The following TEX9 variants were observed in gnomAD, a reference collection of about 807,000 sequenced individuals.
TEX9 encodes the protein testis expressed 9.
TEX9 carries 74 observed loss-of-function variants against 59.6 expected under a neutral mutation model. That is an observed-to-expected ratio of 1.24 (90% CI 1.03 to 1.51). The LOEUF (loss-of-function observed/expected upper bound fraction) is 1.51, where lower values mean the gene tolerates loss of function less well. Among genes scored for constraint, TEX9 ranks in the 40% most tolerant of loss-of-function variants. The probability of loss-of-function intolerance (pLI) is 0.00; values close to 1 mark genes in which losing one functional copy is unlikely to be tolerated. For synonymous variants in TEX9, 186 were observed against 152.2 expected (o/e 1.22, Z -1.64); for missense variants, 522 against 447.8 (o/e 1.17, Z -1.49).
intron 1 of TEX9, among the ~76,000 whole-genome samples, chr15:56,353,235 GT>G (rs530856954): frequency 1.2e-3 from 188 of 152,262 alleles, no homozygotes; most frequent in Non-Finnish European, 2.1e-3. Flanking sequence ...ACATGCTATA[GT>G]TTTGATTTTG....
At chr15:56,292,758 A>T (rs983720169) in intron 1 of TEX9, among the ~76,000 whole-genome samples, 30 of 152,178 alleles carry the variant, frequency 2.0e-4, no homozygotes, top group Non-Finnish European at 4.3e-4. Flanking sequence ...CCTGACATAC[A>T]TGCAGTGGTG....
At chr15:56,402,920 G>C (rs1462333293) in intron 9 of TEX9, among the ~76,000 whole-genome samples, 2 of 152,158 alleles carry the variant, frequency 1.3e-5, no homozygotes, top group African/African-American at 4.8e-5. Flanking sequence ...AAAGGCCTTT[G>C]ACAAAATTCA....
At chr15:56,403,350 C>T (rs990138227) in intron 9 of TEX9, among the ~76,000 whole-genome samples, 2 of 151,348 alleles carry the variant, frequency 1.3e-5, no homozygotes, top group Non-Finnish European at 3.0e-5. Context: ...AACAGACACA[C>T]AGCCAAATCA....
intron 1 of TEX9, among the ~76,000 whole-genome samples, chr15:56,272,144 A>G (rs2044549863): frequency 2.5e-5 from 1 of 40,292 alleles, no homozygotes; most frequent in South Asian, 5.6e-4. Context: ...ATTCCATCTC[A>G]AAAAAAAAAA....
chr15:56,375,338 C>A (rs561464696), intron 3 of TEX9, among the ~76,000 whole-genome samples: 1 of 152,212 alleles, frequency 6.6e-6, no homozygotes, highest in East Asian at 1.9e-4. Context: ...TGTTCATTTC[C>A]TTTGCCCACT....
intron 1 of TEX9, among the ~76,000 whole-genome samples, chr15:56,351,508 C>G (rs558213050): frequency 8.1e-4 from 123 of 152,226 alleles, no homozygotes; most frequent in African/African-American, 2.8e-3. Flanking sequence ...TGAAACCACC[C>G]AAGAGCTCGA....
intron 2 of TEX9, among the ~76,000 whole-genome samples, chr15:56,366,287 T>C (rs2046939471): frequency 6.6e-6 from 1 of 152,234 alleles, no homozygotes; most frequent in African/African-American, 2.4e-5. Context: ...TAGTTTCCTG[T>C]TGCATTTCAA....
chr15:56,298,070 C>T (rs2045258184), intron 1 of TEX9, among the ~76,000 whole-genome samples: 1 of 152,210 alleles, frequency 6.6e-6, no homozygotes, highest in Admixed American at 6.5e-5. Flanking sequence ...TAATACCCCA[C>T]CAAGTTGCTT....
At chr15:56,254,261 T>C (rs1363828973) in intron 1 of TEX9, among the ~76,000 whole-genome samples, 3 of 151,996 alleles carry the variant, frequency 2.0e-5, no homozygotes, top group Non-Finnish European at 4.4e-5. Context: ...CATTTGGCTC[T>C]AGATTGCTGA....
intron 1 of TEX9, among the ~76,000 whole-genome samples, chr15:56,335,530 A>T (rs1295506044): frequency 6.6e-6 from 1 of 152,120 alleles, no homozygotes; most frequent in Non-Finnish European, 1.5e-5. Flanking sequence ...GGGAAGTGGG[A>T]ATGGTTAATG....
At chr15:56,315,741 A>C (rs1182692652) in intron 1 of TEX9, among the ~76,000 whole-genome samples, 5 of 145,630 alleles carry the variant, frequency 3.4e-5, no homozygotes, top group African/African-American at 7.5e-5. Flanking sequence ...TATCCTGCAG[A>C]GTGTTTTCCA....
intron 1 of TEX9, among the ~76,000 whole-genome samples, chr15:56,307,006 G>C (rs1243400691): frequency 3.9e-5 from 6 of 152,164 alleles, no homozygotes; most frequent in South Asian, 2.1e-4. Flanking sequence ...ATCCAGGGTA[G>C]TTTAAAATCT....
At chr15:56,255,548 A>C (rs1242391243) in intron 1 of TEX9, among the ~76,000 whole-genome samples, 8 of 152,104 alleles carry the variant, frequency 5.3e-5, no homozygotes, top group Non-Finnish European at 1.0e-4. Flanking sequence ...AAGATACATC[A>C]GGCAAGTTCT....
intron 1 of TEX9, among the ~76,000 whole-genome samples, chr15:56,302,562 AAAAGTAAAAAGCAAG>A (rs1169137908): frequency 6.6e-6 from 1 of 152,076 alleles, no homozygotes; most frequent in African/African-American, 2.4e-5. Context: ...AAGATACACA[AAAAGTAAAAAGCAAG>A]AAAGTAAAAC....
chr15:56,434,108 G>T, intron 12 of TEX9: 1 of 1,596,632 alleles, frequency 6.3e-7, no homozygotes, highest in South Asian at 1.1e-5. Context: ...TAATGATAAT[G>T]ACCAAAAAAA....
intron 1 of TEX9, among the ~76,000 whole-genome samples, chr15:56,280,069 C>T (rs535251991): frequency 1.9e-4 from 29 of 152,322 alleles, no homozygotes; most frequent in African/African-American, 7.0e-4. Context: ...TTTGCCCAAA[C>T]ATAGGATAAT....
chr15:56,324,768 A>G (rs1265415782), intron 1 of TEX9, among the ~76,000 whole-genome samples: 3 of 152,204 alleles, frequency 2.0e-5, no homozygotes, highest in Non-Finnish European at 4.4e-5. Context: ...GTCATGATGC[A>G]TCTGCCTTGA....
At chr15:56,448,927 G>C (rs2050928037), downstream of TEX9, among the ~76,000 whole-genome samples, 1 of 151,542 alleles carries the variant, frequency 6.6e-6, no homozygotes, top group Admixed American at 6.6e-5. Flanking sequence ...TTAATTTTTT[G>C]TATTTTGAGT....
chr15:56,458,692 C>A, the TEX9 span, among the ~76,000 whole-genome samples: 1 of 152,106 alleles, frequency 6.6e-6, no homozygotes, highest in Admixed American at 6.6e-5. Flanking sequence ...GTCACATAGT[C>A]GGAATTATAC....
Sources: gnomAD v4.1 joint callset for allele counts (sites outside exome capture counted in the v4.1 genomes callset) on GRCh38, gnomAD v4.1.1 for gene constraint, MANE v1.5 for transcripts, NCBI Gene and HGNC (gene_info 2026-07-23, HGNC 2026-07-21) for gene names.